KCNA2: variants seen among roughly 807,000 people sequenced by gnomAD.
The protein encoded by KCNA2 is potassium channel, voltage gated shaker related subfamily A, member 2.
A neutral mutation model predicts 33.4 loss-of-function variants in KCNA2; 11 were observed. The ratio of observed to expected loss-of-function variants is 0.33; its 90% CI spans 0.21 to 0.55. KCNA2 has a LOEUF of 0.55. Ranked by LOEUF, KCNA2 falls within the 20% of genes least tolerant of loss-of-function variation. KCNA2 has a pLI of 0.93. For missense variants in KCNA2, 291 were observed against 621.6 expected, an observed-to-expected ratio of 0.47 and a Z score of 5.66; for synonymous variants, 222 against 231.3, an observed-to-expected ratio of 0.96 and a Z score of 0.37.
chr1:110,605,018 T>C, intron 2 of KCNA2, 73 bp from the exon 3 acceptor site: 1 of 526,462 alleles, frequency 1.9e-6, no homozygotes, highest in South Asian at 3.0e-5. Context: ...CCACTTTTTG[T>C]CTCCCATCTC....
rs1649299108 is a variant in KCNA2 at position 110,600,619 on chromosome 1, C to T, written c.*2664G>A. 1 of 985,208 alleles carries T rather than the reference C, an allele frequency of 1.0e-6. No individual in the cohort carries two copies. The highest frequency in any genetic ancestry group is 1.2e-6 in the Non-Finnish European group (1 of 829,926). The allele number at this position is 985,208 out of a possible 1,614,324, so 61.0% of individuals were successfully genotyped here. A position where few individuals can be genotyped will look rare whatever the true frequency, so the allele number is the denominator to read the frequency against. On this transcript the variant is annotated 3_prime_UTR_variant, in exon 3 of 3. Transcript: ENST00000316361. ...GTGAATGTGCATGACTGTATGTGAA[C>T]ATTTTAGAGTCCTGGGCCAAGGACA...
At chr1:110,616,242 G>T (rs1056598267) in intron 1 of KCNA2, among the ~76,000 whole-genome samples, 4 of 152,182 alleles carry the variant, frequency 2.6e-5, no homozygotes, top group African/African-American at 9.7e-5. Flanking sequence ...TGTAGCCCCT[G>T]GCCCAGGCTT....
intron 1 of KCNA2, among the ~76,000 whole-genome samples, chr1:110,630,262 C>T (rs1157533633): frequency 6.6e-6 from 1 of 152,054 alleles, no homozygotes; most frequent in Non-Finnish European, 1.5e-5. Flanking sequence ...CTCAGGTGAT[C>T]CGCCCACCTC....
chr1:110,594,724 C>T lies in KCNA2; in HGVS notation c.*8559G>A. 1.0e-6 allele frequency: 1 copy of T among 985,368 alleles called. No homozygotes were observed. The highest frequency in any genetic ancestry group is 1.2e-6 in the Non-Finnish European group (1 of 829,940). The allele number at this position is 985,368 out of a possible 1,614,324, so 61.0% of individuals were successfully genotyped here. A position where few individuals can be genotyped will look rare whatever the true frequency, so the allele number is the denominator to read the frequency against. On this transcript the variant is annotated 3_prime_UTR_variant, in exon 3 of 3. Coordinates refer to ENST00000316361, the MANE Select transcript of KCNA2 (RefSeq NM_004974.4). ...CGTGAAGGCAGAACTGGGGCAAGCA[C>T]AGAGCATGTTCAAACCCTCAGGAGC...
intron 1 of KCNA2, among the ~76,000 whole-genome samples, chr1:110,629,923 G>T (rs1281343142): frequency 6.6e-6 from 1 of 151,816 alleles, no homozygotes; most frequent in Non-Finnish European, 1.5e-5. Flanking sequence ...TTCATGTAAT[G>T]CAGTGGTGGG....
intron 1 of KCNA2, among the ~76,000 whole-genome samples, chr1:110,619,090 C>A (rs762020118): frequency 6.6e-6 from 1 of 152,162 alleles, no homozygotes; most frequent in Non-Finnish European, 1.5e-5. Context: ...CCCCTGGACA[C>A]CTTTCTGACT....
Position 110,599,157 on chromosome 1 carries a change from C to A in KCNA2, c.*4126G>T. ...ACGGGATGGCTGCAGGAGCAGAAAT[C>A]AGGAGTGAGGCCTGATCCAAAGCCT... On this transcript the variant is annotated 3_prime_UTR_variant, in exon 3 of 3. Transcript: ENST00000316361. 2.0e-6 allele frequency: 2 copies of A among 985,434 alleles called. No homozygotes were observed. The highest frequency in any genetic ancestry group is 2.4e-6 in the Non-Finnish European group (2 of 829,958). 61.0% of individuals were successfully genotyped at this position (985,434 alleles called of 1,614,324 possible).
intron 1 of KCNA2, among the ~76,000 whole-genome samples, chr1:110,623,799 A>G (rs535002593): frequency 6.9e-4 from 105 of 152,362 alleles, no homozygotes; most frequent in African/African-American, 2.5e-3. Flanking sequence ...AATGGGCAAG[A>G]TAACTGAATA....
rs760151984 is a variant in KCNA2, at chr1:110,604,442, C to T, written c.341G>A (p.Arg114Gln). The change falls in exon 3 of 3, where the codon CGG becomes CAG. Residue 114 changes from arginine to glutamine, a missense_variant. Around this residue, in one of 5 missense-constraint regions of KCNA2, gnomAD observed 163 missense variants for 273.5 expected, o/e 0.60. Coordinates refer to ENST00000316361, the MANE Select transcript of KCNA2 (RefSeq NM_004974.4). The surrounding 1 kb of genome is among the most constrained non-coding windows in gnomAD (Gnocchi z 7.6). ...CGCTTCTTCTCCCAGCTCATAAAACCGAATTTCTTCAGAGAATATATCTAA... is the reference window on the plus strand; with the variant it reads ...CGCTTCTTCTCCCAGCTCATAAAACTGAATTTCTTCAGAGAATATATCTAA... ...VPLDIFSEEI[R>Q]FYELGEEAME... is the part of the protein sequence containing the mutation. 8.1e-6 allele frequency: 13 copies of T among 1,614,008 alleles called. No individual in the cohort carries two copies. The East Asian group carries it at 1.1e-4, about 14-fold the overall frequency.
chr1:110,611,270 C>T (rs1649862779), upstream of KCNA2, among the ~76,000 whole-genome samples: 1 of 152,188 alleles, frequency 6.6e-6, no homozygotes, highest in South Asian at 2.1e-4. Flanking sequence ...GGCCTCCACT[C>T]CAGCCCACTA....
At position 110,593,797 on chromosome 1, in the gene KCNA2, C is replaced by G. The variant is rs1355904907; in HGVS notation, c.*9486G>C. On this transcript the variant is annotated 3_prime_UTR_variant, in exon 3 of 3. Transcript: ENST00000316361. ...TATAACCTATGTACAAATATCAGAC[C>G]CTACTGACACAGGAACTCTCAGCTG... is the stretch of plus-strand genomic sequence containing the variant. 6.8e-7 allele frequency: 1 copy of G among 1,462,256 alleles called. No individual in the cohort carries two copies. Among genetic ancestry groups the G allele is most frequent in the African/African-American group, 1.4e-5 (1 of 70,910 alleles). 90.6% of individuals were successfully genotyped at this position (1,462,256 alleles called of 1,614,324 possible).
Position 110,597,508 on chromosome 1 carries a change from A to G in KCNA2, c.*5775T>C. 1.0e-6 allele frequency: 1 copy of G among 985,312 alleles called. No individual in the cohort carries two copies. Among genetic ancestry groups the G allele is most frequent in the Non-Finnish European group, 1.2e-6 (1 of 829,842 alleles). The allele number at this position is 985,312 out of a possible 1,614,324, so 61.0% of individuals were successfully genotyped here. On this transcript the variant is annotated 3_prime_UTR_variant, in exon 3 of 3. Coordinates refer to ENST00000316361, the MANE Select transcript of KCNA2 (RefSeq NM_004974.4). ...GGAGAGGGGACAGAGACACACATGG[A>G]GACAGAGAGGTGCACACAGGAAGGA...
Position 110,594,062 on chromosome 1 carries a change from G to C in KCNA2, c.*9221C>G, listed in dbSNP as rs1421028295. On this transcript the variant is annotated 3_prime_UTR_variant, in exon 3 of 3. Transcript: ENST00000316361. Reference sequence around the variant, plus strand: ...ACCATGGAGACCCCAGTTCCCTTTCGGCATCATCCTTACGAAGCTTTACCA... The same window carrying C: ...ACCATGGAGACCCCAGTTCCCTTTCCGCATCATCCTTACGAAGCTTTACCA... 6.8e-7 allele frequency: 1 copy of C among 1,466,442 alleles called. No homozygotes were observed. Among genetic ancestry groups the C allele is most frequent in the South Asian group, 1.4e-5 (1 of 69,018 alleles). 90.8% of individuals were successfully genotyped at this position (1,466,442 alleles called of 1,614,324 possible).
At chr1:110,610,222 A>G (rs1649821830), upstream of KCNA2, among the ~76,000 whole-genome samples, 1 of 152,212 alleles carries the variant, frequency 6.6e-6, no homozygotes, top group Non-Finnish European at 1.5e-5. Flanking sequence ...TGGTGACTAC[A>G]GTCATCTTAA....
chr1:110,616,482 A>G (rs1650070983), intron 1 of KCNA2, among the ~76,000 whole-genome samples: 1 of 152,224 alleles, frequency 6.6e-6, no homozygotes, highest in African/African-American at 2.4e-5. Flanking sequence ...GGAAATAAGA[A>G]AAAGTTCTTT....
At position 110,604,246 on chromosome 1, in the gene KCNA2, G is replaced by A. The variant is rs894769702; in HGVS notation, c.537C>T (p.Ser179=). 4 of 1,614,192 alleles carry A rather than the reference G, an allele frequency of 2.5e-6. No individual in the cohort carries two copies. The highest frequency in any genetic ancestry group is 4.5e-5 in the East Asian group (2 of 44,890). Residue 179 remains serine, a synonymous_variant, in exon 3 of 3, where the codon AGC becomes AGT. Coordinates refer to ENST00000316361, the MANE Select transcript of KCNA2 (RefSeq NM_004974.4). This position sits in a 1 kb window ranked among gnomAD's most constrained non-coding sequence, Gnocchi z 7.6. ...AGATGGGCAATGTTTCCAGACAGAA[G>A]CTGACAATTGAGATCAGAATCACCA... ...SVMVILISIV[S]FCLETLPIFR...
intron 1 of KCNA2, among the ~76,000 whole-genome samples, chr1:110,617,379 C>T (rs986446916): frequency 2.6e-5 from 4 of 152,022 alleles, no homozygotes; most frequent in Non-Finnish European, 5.9e-5. Context: ...AATGAGAGGT[C>T]GATGGGGGAA....
At chr1:110,618,083 T>C (rs2101450489) in intron 1 of KCNA2, among the ~76,000 whole-genome samples, 1 of 152,322 alleles carries the variant, frequency 6.6e-6, no homozygotes, top group Admixed American at 6.5e-5. Context: ...GGCTCATGCC[T>C]GTAATCCCAG....
intron 1 of KCNA2, among the ~76,000 whole-genome samples, chr1:110,618,129 G>A (rs1404531343): frequency 1.3e-5 from 2 of 152,140 alleles, no homozygotes; most frequent in Non-Finnish European, 2.9e-5. Flanking sequence ...ATTGCTTGAG[G>A]CCAGGAGTTT....
Sources: allele counts gnomAD v4.1 joint callset (sites outside exome capture counted in the v4.1 genomes callset), GRCh38; gene constraint gnomAD v4.1.1; regional missense constraint gnomAD v4.1.1; non-coding constraint Gnocchi (gnomAD v3.1); transcripts MANE v1.5; gene names NCBI Gene and HGNC (gene_info 2026-07-23, HGNC 2026-07-21).